Variants in CLASP1 observed in about 807,000 individuals in gnomAD.
The protein encoded by CLASP1 is CLIP-associating protein 1.
CLASP1 carries 38 observed loss-of-function variants against 192.3 expected under a neutral mutation model. The observed-to-expected ratio is 0.20, with a 90% CI of 0.15 to 0.26. The LOEUF (loss-of-function observed/expected upper bound fraction) is 0.26. Ranked by LOEUF, CLASP1 falls within the 10% of genes least tolerant of loss-of-function variation. The pLI, the probability that CLASP1 is intolerant of heterozygous loss-of-function variation, is 1.00. For synonymous variants in CLASP1, 691 were observed against 712.8 expected, an observed-to-expected ratio of 0.97 and a Z score of 0.49; for missense variants, 1,433 against 1,932.5, an observed-to-expected ratio of 0.74 and a Z score of 4.85.
chr2:121,365,042 C>G (rs770334978), intron 36 of CLASP1, 52 bp downstream of exon 37: 1 of 1,539,220 alleles, frequency 6.5e-7, no homozygotes. Context: ...AAAAGGACAT[C>G]GTGACCCCAT....
At chr2:121,557,575 C>T (rs2058687600) in intron 2 of CLASP1, among the ~76,000 whole-genome samples, 1 of 151,494 alleles carries the variant, frequency 6.6e-6, no homozygotes, top group African/African-American at 2.4e-5. Flanking sequence ...CAGAGTGAGA[C>T]TCTGTCTCTA....
At chr2:121,577,609 A>G (rs553251173) in intron 2 of CLASP1, among the ~76,000 whole-genome samples, 1 of 152,296 alleles carries the variant, frequency 6.6e-6, no homozygotes, top group Admixed American at 6.5e-5. Flanking sequence ...TTCTGTGGCA[A>G]CTTCTCATAA....
chr2:121,432,470 T>C (rs1192788031), intron 19 of CLASP1, among the ~76,000 whole-genome samples: 2 of 152,164 alleles, frequency 1.3e-5, no homozygotes, highest in African/African-American at 2.4e-5. Flanking sequence ...GACAAGTAAA[T>C]TCGCCTTTTC....
Position 121,534,614 on chromosome 2 carries a change from T to G in CLASP1, c.196-4289A>C, listed in dbSNP as rs556643144. ...GTGCAATGGCACGATCTCTGCTCAC[T>G]GCAACCTCCGCCTCCCGGGTTCAAG... On this transcript the variant is annotated intron_variant, in intron 2 of 39. Transcript: ENST00000263710. Among the ~76,000 whole-genome samples, 17 of 152,186 alleles carry G rather than the reference T, an allele frequency of 1.1e-4. No individual in the cohort carries two copies. In the East Asian group the frequency reaches 3.3e-3, roughly 29 times the overall value.
chr2:121,528,198 T>C lies in CLASP1; in HGVS notation c.379-308A>G, dbSNP rs550140462. ...AAGCAAGGCCAAAGGAGCTAGTGAG[T>C]TGCCAAAGATCACACACTCACACTG... On this transcript the variant is annotated intron_variant, in intron 4 of 39. Coordinates refer to ENST00000263710, the Ensembl canonical transcript of CLASP1. Among the ~76,000 whole-genome samples the C allele has an allele frequency of 1.4e-4, 22 of 152,220 alleles. No individual in the cohort carries two copies. In the South Asian group the frequency reaches 2.1e-3, roughly 14 times the overall value.
At chr2:121,470,329 A>C (rs769721447) in intron 8 of CLASP1, 1 of 451,138 alleles carries the variant, frequency 2.2e-6, no homozygotes, top group African/African-American at 2.4e-5. Flanking sequence ...TTGAAGACAG[A>C]GTCTCACTGT....
At chr2:121,417,159 A>G (rs1174113087) in intron 23 of CLASP1, among the ~76,000 whole-genome samples, 1 of 152,192 alleles carries the variant, frequency 6.6e-6, no homozygotes, top group Non-Finnish European at 1.5e-5. Flanking sequence ...CATTTAATCA[A>G]ACAATGTACA....
At chr2:121,620,871 AG>A (rs2067223026) in intron 1 of CLASP1, among the ~76,000 whole-genome samples, 1 of 152,128 alleles carries the variant, frequency 6.6e-6, no homozygotes, top group Non-Finnish European at 1.5e-5. Context: ...TTTGAAAAAA[AG>A]GTTTTCTGTT....
intron 24 of CLASP1, among the ~76,000 whole-genome samples, chr2:121,410,550 G>C (rs1377456771): frequency 1.3e-5 from 2 of 151,844 alleles, no homozygotes; most frequent in African/African-American, 2.4e-5. Context: ...AAAAAACATG[G>C]TTAAAAAGAA....
chr2:121,610,422 A>G (rs12996343), intron 1 of CLASP1, among the ~76,000 whole-genome samples: 89 of 97,010 alleles, frequency 9.2e-4, no homozygotes, highest in Middle Eastern at 8.6e-3. Flanking sequence ...AAGAGGAACT[A>G]GAGGAGGAGG....
chr2:121,462,395 C>T, intron 10 of CLASP1, 137 bp downstream of exon 10: 3 of 536,152 alleles, frequency 5.6e-6, no homozygotes, highest in Non-Finnish European at 6.8e-6. Context: ...TTCTGGTCTG[C>T]ACCTCAGATC....
At chr2:121,373,782 T>G (rs1174228739) in intron 34 of CLASP1, among the ~76,000 whole-genome samples, 1 of 152,244 alleles carries the variant, frequency 6.6e-6, no homozygotes, top group Non-Finnish European at 1.5e-5. Flanking sequence ...AAGAAATTTC[T>G]AAGCAGTAAA....
intron 23 of CLASP1, 49 bp downstream of exon 23, chr2:121,418,573 G>T: frequency 1.5e-6 from 2 of 1,294,946 alleles, no homozygotes; most frequent in Non-Finnish European, 1.1e-6. Context: ...TCTCGGACAA[G>T]CAGGGAAAGG....
At chr2:121,390,309 C>T (rs953730908) in intron 30 of CLASP1, among the ~76,000 whole-genome samples, 1 of 152,158 alleles carries the variant, frequency 6.6e-6, no homozygotes, top group East Asian at 1.9e-4. Context: ...AAGTGGAGTA[C>T]GCCACTGTTC....
chr2:121,638,625 A>G (rs547783723), intron 1 of CLASP1, among the ~76,000 whole-genome samples: 23 of 152,250 alleles, frequency 1.5e-4, no homozygotes, highest in African/African-American at 5.3e-4. Flanking sequence ...ATATCCATAC[A>G]ATAGAACATT....
intron 8 of CLASP1, among the ~76,000 whole-genome samples, chr2:121,492,163 G>T (rs2093338241): frequency 6.6e-6 from 1 of 152,106 alleles, no homozygotes; most frequent in Non-Finnish European, 1.5e-5. Context: ...GCCGAGGCGG[G>T]TAGATCACGA....
intron 32 of CLASP1, among the ~76,000 whole-genome samples, chr2:121,384,007 T>TATACAC (rs1159284078): frequency 0.012 from 1,693 of 139,708 alleles, 14 homozygotes; most frequent in Non-Finnish European, 0.018. Context: ...TATATATATA[T>TATACAC]ACACACACAC....
chr2:121,486,394 T>G (rs1010198301), intron 8 of CLASP1, among the ~76,000 whole-genome samples: 1 of 152,176 alleles, frequency 6.6e-6, no homozygotes, highest in African/African-American at 2.4e-5. Context: ...AACTAAAATT[T>G]CAACACCTTA....
intron 14 of CLASP1, among the ~76,000 whole-genome samples, chr2:121,454,809 A>C (rs1401850449): frequency 1.3e-5 from 2 of 152,208 alleles, no homozygotes; most frequent in African/African-American, 4.8e-5. Flanking sequence ...ACACATTCTG[A>C]ATTTCTCTTG....
Sources: allele counts gnomAD v4.1 joint callset (sites outside exome capture counted in the v4.1 genomes callset), GRCh38; gene constraint gnomAD v4.1.1; transcripts MANE v1.5; gene names NCBI Gene and HGNC (gene_info 2026-07-23, HGNC 2026-07-21).